CAMTA1: variants seen among roughly 807,000 people sequenced by gnomAD.
The protein encoded by CAMTA1 is calmodulin-binding transcription activator 1.
A neutral mutation model predicts 170.9 loss-of-function variants in CAMTA1; 27 were observed. The observed-to-expected ratio is 0.16, with a 90% CI of 0.12 to 0.22. The LOEUF is 0.22. Among genes scored for constraint, CAMTA1 ranks in the 10% least tolerant of loss-of-function variants. The pLI is 1.00. For missense variants in CAMTA1, 1,619 were observed against 2,217.2 expected (o/e 0.73, Z 5.42); for synonymous variants, 833 against 891.5 (o/e 0.93, Z 1.17).
At chr1:7,088,821 A>G (rs1008455036) in intron 3 of CAMTA1, among the ~76,000 whole-genome samples, 1 of 152,190 alleles carries the variant, frequency 6.6e-6, no homozygotes. Flanking sequence ...GATCTCCTGA[A>G]GTTCAGGTAG....
intron 3 of CAMTA1, among the ~76,000 whole-genome samples, chr1:7,070,190 A>G (rs936965559): frequency 1.2e-4 from 19 of 152,182 alleles, no homozygotes; most frequent in Non-Finnish European, 2.6e-4. Flanking sequence ...AGAGAACAGC[A>G]GCATCAGATG....
At chr1:7,338,336 C>T (rs189604277) in intron 5 of CAMTA1, among the ~76,000 whole-genome samples, 26 of 152,274 alleles carry the variant, frequency 1.7e-4, no homozygotes, top group African/African-American at 6.0e-4. Context: ...ATGAAGGCTA[C>T]TCATGTAGGG....
At chr1:6,981,214 T>G (rs144130640) in intron 3 of CAMTA1, among the ~76,000 whole-genome samples, 170 of 152,258 alleles carry the variant, frequency 1.1e-3, no homozygotes, top group African/African-American at 3.9e-3. Context: ...GAAAAAGACA[T>G]TGGATTCCTG....
At chr1:7,690,108 A>G (rs2096294212) in intron 11 of CAMTA1, among the ~76,000 whole-genome samples, 1 of 152,254 alleles carries the variant, frequency 6.6e-6, no homozygotes, top group Admixed American at 6.5e-5. Flanking sequence ...GGTTGCGGTG[A>G]GTCAAGATTG....
intron 5 of CAMTA1, among the ~76,000 whole-genome samples, chr1:7,280,607 C>T (rs960556745): frequency 5.9e-5 from 9 of 152,236 alleles, no homozygotes; most frequent in Non-Finnish European, 1.3e-4. Context: ...GGTTTGCAGT[C>T]ACTGTTCAGG....
chr1:6,969,877 TG>T (rs1232933190), intron 3 of CAMTA1, among the ~76,000 whole-genome samples: 87 of 152,240 alleles, frequency 5.7e-4, no homozygotes, highest in Admixed American at 5.7e-3. Context: ...GTCTCCTTTC[TG>T]CAATGGCTTC....
At chr1:7,449,002 T>C (rs1234850691) in intron 5 of CAMTA1, among the ~76,000 whole-genome samples, 1 of 152,144 alleles carries the variant, frequency 6.6e-6, no homozygotes, top group East Asian at 1.9e-4. Flanking sequence ...AAACAAACAA[T>C]AACCTGTCGT....
At chr1:6,789,332 G>A (rs1202566840) in intron 1 of CAMTA1, among the ~76,000 whole-genome samples, 1 of 152,282 alleles carries the variant, frequency 6.6e-6, no homozygotes, top group South Asian at 2.1e-4. Context: ...TCTTTAGAGA[G>A]TAGTGTTTAG....
intron 5 of CAMTA1, among the ~76,000 whole-genome samples, chr1:7,271,229 C>T (rs530744391): frequency 1.3e-5 from 2 of 152,072 alleles, no homozygotes; most frequent in South Asian, 2.1e-4. Flanking sequence ...GAGCACAGAC[C>T]GAGGAAAGAG....
At chr1:7,069,181 C>T (rs1011259220) in intron 3 of CAMTA1, among the ~76,000 whole-genome samples, 1 of 152,176 alleles carries the variant, frequency 6.6e-6, no homozygotes, top group Non-Finnish European at 1.5e-5. Flanking sequence ...GATTGTCATC[C>T]TTCACCACGA....
At chr1:7,649,414 G>C (rs1237268936) in intron 7 of CAMTA1, among the ~76,000 whole-genome samples, 1 of 152,230 alleles carries the variant, frequency 6.6e-6, no homozygotes, top group East Asian at 1.9e-4. Context: ...CCTTTGGGAA[G>C]GAGCTGCTGC....
chr1:7,627,835 C>T lies in CAMTA1; in HGVS notation c.511-12565C>T, dbSNP rs565069182. 9.9e-5 allele frequency among the ~76,000 whole-genome samples: 15 copies of T among 152,274 alleles called. No homozygotes were observed. The East Asian group carries it at 1.3e-3, about 14-fold the overall frequency. On this transcript the variant is annotated intron_variant, in intron 6 of 22. Coordinates refer to ENST00000303635, the MANE Select transcript of CAMTA1 (RefSeq NM_015215.4). ...AGTGAGGATTAAACAAGCTAAGTCC[C>T]GGGAAGTAGTTAGCACTCAGCACCT...
At chr1:7,751,540 G>A in intron 20 of CAMTA1, 148 bp downstream of exon 20, 1 of 566,798 alleles carries the variant, frequency 1.8e-6, no homozygotes, top group Non-Finnish European at 2.9e-6. Context: ...TAGGCATGGT[G>A]GCTGATAAGT....
rs1487113331 is a variant in CAMTA1 at position 7,580,764 on chromosome 1, G to A, written c.511-59636G>A. 6.6e-6 allele frequency among the ~76,000 whole-genome samples: 1 copy of A among 152,068 alleles called. No homozygotes were observed. The highest frequency in any genetic ancestry group is 1.5e-5 in the Non-Finnish European group (1 of 68,018). On this transcript the variant is annotated intron_variant, in intron 6 of 22. Transcript: ENST00000303635. The surrounding 1 kb of genome is among the most constrained non-coding windows in gnomAD (Gnocchi z 4.3). ...GGAGGGAACTTGGCATTTGACTCTG[G>A]CTTTGGAGGGTTTGGTTATCTCCTC...
rs145244013 is a variant in CAMTA1 at position 7,446,044 on chromosome 1, C to T, written c.439-21786C>T. ...CAGGGGAGTTGGGCTGGTGGGTGGA[C>T]AATCCCTCTCTGCTCCACACATTTT... On this transcript the variant is annotated intron_variant, in intron 5 of 22. Transcript: ENST00000303635. Among the ~76,000 whole-genome samples the T allele has an allele frequency of 2.0e-5, 3 of 152,232 alleles. No individual in the cohort carries two copies. In the East Asian group the frequency reaches 5.8e-4, roughly 29 times the overall value.
rs555381253 is a variant in CAMTA1, at chr1:7,738,581, G to A, written c.4182+99G>A. On this transcript the variant is annotated intron_variant, in intron 16 of 22. Coordinates refer to ENST00000303635, the MANE Select transcript of CAMTA1 (RefSeq NM_015215.4). This position sits in a 1 kb window ranked among gnomAD's most constrained non-coding sequence, Gnocchi z 4.9. ...CGAAGGTTGTGTCATTTTCCTCCCC[G>A]TGAAGCCTTCGAAGTTGGCTTTGTG... is the stretch of plus-strand genomic sequence containing the variant. The A allele has an allele frequency of 1.3e-5, 18 of 1,354,084 alleles. No individual in the cohort carries two copies. The East Asian group carries it at 1.7e-4, about 13-fold the overall frequency. 83.9% of individuals were successfully genotyped at this position (1,354,084 alleles called of 1,614,324 possible). A position where few individuals can be genotyped will look rare whatever the true frequency, so the allele number is the denominator to read the frequency against.
intron 5 of CAMTA1, among the ~76,000 whole-genome samples, chr1:7,275,119 G>A (rs1269182191): frequency 7.8e-6 from 1 of 127,838 alleles, no homozygotes; most frequent in Non-Finnish European, 1.6e-5. Context: ...TCCTGCCTGG[G>A]CAGGGAGACA....
intron 5 of CAMTA1, among the ~76,000 whole-genome samples, chr1:7,398,181 CTCTCTCTCTCTCTA>C (rs1252233327): frequency 2.2e-5 from 1 of 45,556 alleles, no homozygotes; most frequent in Non-Finnish European, 4.2e-5. Context: ...CTCTCTCTCT[CTCTCTCTCTCTCTA>C]TATATATATA....
intron 3 of CAMTA1, among the ~76,000 whole-genome samples, chr1:7,078,787 T>C (rs1572887708): frequency 6.6e-6 from 1 of 152,332 alleles, no homozygotes; most frequent in East Asian, 1.9e-4. Context: ...CACTTTGTAT[T>C]TCTGCATGGA....
Sources: gnomAD v4.1 joint callset for allele counts (sites outside exome capture counted in the v4.1 genomes callset) on GRCh38, gnomAD v4.1.1 for gene constraint, Gnocchi (gnomAD v3.1) non-coding constraint, MANE v1.5 for transcripts, NCBI Gene and HGNC (gene_info 2026-07-23, HGNC 2026-07-21) for gene names.